The following RP1 variants were observed in gnomAD, a reference collection of about 807,000 sequenced individuals.
RP1 encodes the protein RP1 axonemal microtubule associated.
Under a neutral mutation model 14.8 loss-of-function variants are expected in RP1, and 16 were observed. That is an observed-to-expected ratio of 1.08 (90% CI 0.73 to 1.65). The LOEUF is 1.65. RP1 is among the 40% of genes most tolerant of loss of function. The pLI is 0.00. For synonymous variants in RP1, 876 were observed against 883.6 expected (o/e 0.99, Z 0.15); for missense variants, 2,631 against 2,535.0 (o/e 1.04, Z -0.81).
rs1187037804 is a variant in RP1, at chr8:54,624,692, C to T, written c.810C>T (p.Ser270=). 2.5e-6 allele frequency: 4 copies of T among 1,613,860 alleles called. No homozygotes were observed. The South Asian group carries it at 3.3e-5, about 13-fold the overall frequency. The change falls in exon 4 of 4, where the codon AGC becomes AGT. Residue 270 remains serine, a synonymous_variant. Transcript: ENST00000220676. ...SRKISTHMSS[S]SRSQIYSVSS... ...AAGTAAGCACACATATGTCTTCAAG[C>T]TCAAGGTCCCAGATTTATTCTGTTT... is the stretch of plus-strand genomic sequence containing the variant.
At chr8:54,716,240 G>A (rs1032270410) in intron 15 of RP1, among the ~76,000 whole-genome samples, 2 of 152,124 alleles carry the variant, frequency 1.3e-5, no homozygotes, top group African/African-American at 4.8e-5. Context: ...ATGTTCCAGT[G>A]TGCTTAGTTT....
At chr8:54,763,683 AAAAC>A (rs913453388) in intron 22 of RP1, among the ~76,000 whole-genome samples, 4 of 152,148 alleles carry the variant, frequency 2.6e-5, no homozygotes, top group African/African-American at 4.8e-5. Context: ...CTCCATCTCA[AAAAC>A]AAACAAACAA....
chr8:54,622,115 A>G lies in RP1; in HGVS notation c.616-2A>G. ...CAGGATAATGACTCTGGTCTCTTTTAGGTTCCCAGCCTCCAGGCAGTGATC... is the reference window on the plus strand; with the variant it reads ...CAGGATAATGACTCTGGTCTCTTTTGGGTTCCCAGCCTCCAGGCAGTGATC... On this transcript the variant is annotated splice_acceptor_variant, in intron 2 of 3. Coordinates refer to ENST00000220676, the MANE Select transcript of RP1 (RefSeq NM_006269.2). LOFTEE classifies it high-confidence loss of function. The G allele has an allele frequency of 6.2e-7, 1 of 1,614,134 alleles. No homozygotes were observed. Among genetic ancestry groups the G allele is most frequent in the East Asian group, 2.2e-5 (1 of 44,890 alleles).
intron 12 of RP1, among the ~76,000 whole-genome samples, chr8:54,680,448 C>A (rs1807399181): frequency 6.6e-6 from 1 of 152,120 alleles, no homozygotes; most frequent in South Asian, 2.1e-4. Context: ...TGACTATAAA[C>A]CCAAACCTCC....
intron 22 of RP1, among the ~76,000 whole-genome samples, chr8:54,763,661 C>T (rs916851553): frequency 4.5e-4 from 68 of 152,116 alleles, no homozygotes; most frequent in African/African-American, 1.5e-3. Flanking sequence ...GCCTGGGCAA[C>T]AAGAACAAAA....
intron 15 of RP1, among the ~76,000 whole-genome samples, chr8:54,718,228 T>C (rs1401137432): frequency 2.0e-5 from 3 of 152,152 alleles, no homozygotes; most frequent in Admixed American, 6.6e-5. Flanking sequence ...GTCCTGAGTT[T>C]ATATGAAAAG....
chr8:54,779,043 C>T (rs1405364104), intron 23 of RP1, among the ~76,000 whole-genome samples: 1 of 152,108 alleles, frequency 6.6e-6, no homozygotes, highest in African/African-American at 2.4e-5. Context: ...ACTTTATCCC[C>T]CCAAGTCACC....
At chr8:54,735,604 A>T (rs1204045838) in intron 18 of RP1, among the ~76,000 whole-genome samples, 1 of 152,186 alleles carries the variant, frequency 6.6e-6, no homozygotes, top group Non-Finnish European at 1.5e-5. Flanking sequence ...TGGTTTCTAG[A>T]TTCTTAGACC....
intron 15 of RP1, among the ~76,000 whole-genome samples, chr8:54,711,315 A>G (rs181278614): frequency 1.3e-5 from 2 of 152,306 alleles, no homozygotes; most frequent in East Asian, 1.9e-4. Context: ...AGAGGTTTCT[A>G]GCTTCCTATT....
intron 12 of RP1, among the ~76,000 whole-genome samples, chr8:54,698,756 G>A (rs1807935711): frequency 6.6e-6 from 1 of 152,136 alleles, no homozygotes; most frequent in African/African-American, 2.4e-5. Flanking sequence ...GATGAAACTG[G>A]AAACCATCAT....
intron 24 of RP1, among the ~76,000 whole-genome samples, chr8:54,798,381 G>A (rs965860443): frequency 1.3e-5 from 2 of 152,078 alleles, no homozygotes; most frequent in East Asian, 3.9e-4. Flanking sequence ...TTTGCCCAAG[G>A]TAATGAACAA....
In RP1 at chr8:54,629,120, G is replaced by T; in HGVS notation, c.5238G>T (p.Trp1746Cys). The T allele has an allele frequency of 6.2e-7, 1 of 1,614,052 alleles. No individual in the cohort carries two copies. The highest frequency in any genetic ancestry group is 8.5e-7 in the Non-Finnish European group (1 of 1,179,948). ...GAGTACTGATTGACAAAGGCAAATG[G>T]CTTCTGAAAGAAAATCATTTGCTAA... The part of the protein sequence containing the change: ...EEGVLIDKGK[W>C]LLKENHLLRM... Residue 1746 changes from tryptophan to cysteine, a missense_variant, in exon 4 of 4, where the codon TGG (tryptophan) becomes TGT (cysteine). By Grantham distance (215) the Trp-to-Cys change is radical (BLOSUM62 -2). Transcript: ENST00000220676.
chr8:54,833,786 G>A (rs1811592907), intron 24 of RP1, among the ~76,000 whole-genome samples: 1 of 151,792 alleles, frequency 6.6e-6, no homozygotes, highest in Non-Finnish European at 1.5e-5. Context: ...ACACACACAA[G>A]CATCAAAGTA....
At chr8:54,602,487 C>A (rs1176825780) in intron 1 of RP1, among the ~76,000 whole-genome samples, 1 of 152,150 alleles carries the variant, frequency 6.6e-6, no homozygotes, top group Non-Finnish European at 1.5e-5. Context: ...AATAGTGCTG[C>A]AATAAACATA....
Position 54,628,712 on chromosome 8 carries a change from T to A in RP1, c.4830T>A (p.Asp1610Glu). Residue 1610 changes from aspartate (D) to glutamate (E), a missense_variant, in exon 4 of 4, where the codon GAT (aspartate) becomes GAA (glutamate). Coordinates refer to ENST00000220676, the MANE Select transcript of RP1 (RefSeq NM_006269.2). Reference sequence around the variant, plus strand: ...AGCCATATAAAACATCCAGTGATGATCCCAATGACAGTGGCGAACTTACCC... The same window carrying A: ...AGCCATATAAAACATCCAGTGATGAACCCAATGACAGTGGCGAACTTACCC... ...SEQPYKTSSDDPNDSGELTQE... is the reference protein window; with the variant it reads ...SEQPYKTSSDEPNDSGELTQE... 1 of 1,613,988 alleles carries A rather than the reference T, an allele frequency of 6.2e-7. No homozygotes were observed. The highest frequency in any genetic ancestry group is 1.1e-5 in the South Asian group (1 of 91,072).
intron 25 of RP1, among the ~76,000 whole-genome samples, chr8:54,848,495 G>T (rs1811981739): frequency 6.6e-6 from 1 of 152,120 alleles, no homozygotes; most frequent in Non-Finnish European, 1.5e-5. Flanking sequence ...ATGCTATCTG[G>T]TTTAAGGCTC....
At chr8:54,831,522 A>C (rs920805872) in intron 24 of RP1, among the ~76,000 whole-genome samples, 4 of 150,972 alleles carry the variant, frequency 2.6e-5, no homozygotes, top group African/African-American at 9.7e-5. Context: ...CACATAGAGT[A>C]AACTTTAAAA....
intron 1 of RP1, among the ~76,000 whole-genome samples, chr8:54,608,346 C>T (rs1805510761): frequency 6.6e-6 from 1 of 152,010 alleles, no homozygotes; most frequent in South Asian, 2.1e-4. Context: ...CATGTATCAA[C>T]AAAGCAGTTT....
intron 25 of RP1, among the ~76,000 whole-genome samples, chr8:54,848,973 G>A (rs1397694996): frequency 2.0e-5 from 3 of 152,058 alleles, no homozygotes; most frequent in South Asian, 2.1e-4. Flanking sequence ...GGTCTTGAAC[G>A]CCTGACTTCA....
Sources: gnomAD v4.1 joint callset for allele counts (sites outside exome capture counted in the v4.1 genomes callset) on GRCh38, gnomAD v4.1.1 for gene constraint, MANE v1.5 for transcripts, NCBI Gene and HGNC (gene_info 2026-07-23, HGNC 2026-07-21) for gene names.